HYDIN: variants seen among roughly 807,000 people sequenced by gnomAD.
The protein encoded by HYDIN is HYDIN axonemal central pair apparatus protein.
A neutral mutation model predicts 403.9 loss-of-function variants in HYDIN; 132 were observed. That is an observed-to-expected ratio of 0.33 (90% CI 0.28 to 0.38). The LOEUF is 0.38. HYDIN is among the 10% of genes least tolerant of loss of function. The probability of loss-of-function intolerance (pLI) is 1.00; values close to 1 mark genes in which losing one functional copy is unlikely to be tolerated. For synonymous variants in HYDIN, 1,202 were observed against 1,891.7 expected, an observed-to-expected ratio of 0.64 and a Z score of 9.46; for missense variants, 2,827 against 5,009.5, an observed-to-expected ratio of 0.56 and a Z score of 13.15.
chr16:70,823,833 T>C (rs1251458376), intron 83 of HYDIN, among the ~76,000 whole-genome samples: 2 of 145,416 alleles, frequency 1.4e-5, no homozygotes, highest in African/African-American at 2.6e-5. Context: ...CCTTTTTGAC[T>C]GTCCCAAACT....
chr16:70,898,943 T>C (rs559698729), intron 53 of HYDIN, among the ~76,000 whole-genome samples: 8 of 152,282 alleles, frequency 5.3e-5, no homozygotes, highest in Non-Finnish European at 1.0e-4. Flanking sequence ...TAATTTTGTA[T>C]TTTTGTATTT....
chr16:70,921,492 GT>G (rs1450501547), intron 45 of HYDIN, among the ~76,000 whole-genome samples: 1 of 152,134 alleles, frequency 6.6e-6, no homozygotes, highest in African/African-American at 2.4e-5. Context: ...TGTACTCCTG[GT>G]TGAGAGCTGC....
intron 9 of HYDIN, among the ~76,000 whole-genome samples, chr16:71,121,078 AT>A: frequency 7.2e-6 from 1 of 137,958 alleles, no homozygotes; most frequent in Non-Finnish European, 1.5e-5. Flanking sequence ...GTGAAGTAGT[AT>A]TATTACTTTA....
chr16:70,811,572 CAT>C (rs924621564), intron 84 of HYDIN: 5 of 149,952 alleles, frequency 3.3e-5, no homozygotes, highest in East Asian at 4.0e-4. Context: ...ATAAAATAGA[CAT>C]GTGTATAAAC....
Position 70,996,794 on chromosome 16 carries a change from T to C in HYDIN, c.3645-4584A>G, listed in dbSNP as rs2079546831. ...GGGAAACGTGCCTGCAAAGCAGCGG[T>C]CCCCAACCTTTTTGGCACCAGGGAC... On this transcript the variant is annotated intron_variant, in intron 23 of 85. Transcript: ENST00000393567. Among the ~76,000 whole-genome samples, 3 of 150,288 alleles carry C rather than the reference T, an allele frequency of 2.0e-5. No homozygotes were observed. In the South Asian group the frequency reaches 6.4e-4, roughly 32 times the overall value.
rs147111196 is a variant in HYDIN, at chr16:71,126,586, C to A, written c.1227+3054G>T. On this transcript the variant is annotated intron_variant, in intron 9 of 85. Coordinates refer to ENST00000393567, the MANE Select transcript of HYDIN (RefSeq NM_001270974.2). The stretch of plus-strand genomic sequence containing the variant: ...GTCTCTTCCCAGCTGCAGTGGAGAT[C>A]GAGGCTGATGACTGCTCCTCCTGAG... Among the ~76,000 whole-genome samples, 1,205 of 152,144 alleles carry A rather than the reference C, an allele frequency of 7.9e-3. 16 individuals are homozygous for A. The highest frequency in any genetic ancestry group is 0.028 in the African/African-American group (1,144 of 41,466).
chr16:70,816,015 A>C (rs529972247), intron 84 of HYDIN, among the ~76,000 whole-genome samples: 3 of 151,886 alleles, frequency 2.0e-5, no homozygotes, highest in African/African-American at 7.2e-5. Flanking sequence ...AGGCTGAGGC[A>C]AGAGCATTGC....
chr16:71,203,520 T>C (rs2088131147), intron 1 of HYDIN, among the ~76,000 whole-genome samples: 1 of 152,216 alleles, frequency 6.6e-6, no homozygotes, highest in African/African-American at 2.4e-5. Context: ...TAGGAGAGAA[T>C]AAGCTTATAC....
chr16:70,932,032 A>AAAG (rs1285654172), intron 45 of HYDIN, among the ~76,000 whole-genome samples: 2 of 148,950 alleles, frequency 1.3e-5, no homozygotes, highest in African/African-American at 4.9e-5. Context: ...AAAAAAAAAA[A>AAAG]AAAGGTAAAA....
Position 71,230,706 on chromosome 16 carries a change from C to T in HYDIN, c.-168G>A, listed in dbSNP as rs1321344472. The T allele has an allele frequency of 6.5e-7, 1 of 1,535,930 alleles. No individual in the cohort carries two copies. On this transcript the variant is annotated 5_prime_UTR_variant, in exon 1 of 86. Coordinates refer to ENST00000393567, the MANE Select transcript of HYDIN (RefSeq NM_001270974.2). ...TCTCCATGCGCCGCCCGAGCTGTTG[C>T]CGTCCGTTGCCACGGTAACCACGGA...
At chr16:70,864,772 A>C (rs2795809) in intron 67 of HYDIN, among the ~76,000 whole-genome samples, 1 of 152,074 alleles carries the variant, frequency 6.6e-6, no homozygotes, top group Non-Finnish European at 1.5e-5. Context: ...TAGGGGTTGG[A>C]AAACTTTTGT....
chr16:70,821,898 G>C (rs1264566348), intron 83 of HYDIN, among the ~76,000 whole-genome samples: 5 of 152,046 alleles, frequency 3.3e-5, no homozygotes, highest in Admixed American at 3.3e-4. Context: ...CCACTGTTGA[G>C]ACCTACTGCT....
At chr16:71,215,108 G>C (rs1163380882) in intron 1 of HYDIN, among the ~76,000 whole-genome samples, 2 of 152,070 alleles carry the variant, frequency 1.3e-5, no homozygotes, top group Non-Finnish European at 2.9e-5. Flanking sequence ...ATAACATAGA[G>C]GCCAACTTGC....
At chr16:71,201,752 G>A (rs2088026035) in intron 1 of HYDIN, among the ~76,000 whole-genome samples, 1 of 152,216 alleles carries the variant, frequency 6.6e-6, no homozygotes, top group South Asian at 2.1e-4. Flanking sequence ...TGACTTCTTA[G>A]GCCATCATTT....
intron 62 of HYDIN, among the ~76,000 whole-genome samples, chr16:70,875,906 A>T (rs1262181506): frequency 6.6e-6 from 1 of 152,254 alleles, no homozygotes; most frequent in Non-Finnish European, 1.5e-5. Context: ...ACTGAACTAG[A>T]TGCTAAAACA....
intron 1 of HYDIN, among the ~76,000 whole-genome samples, chr16:71,199,353 G>T: frequency 6.6e-6 from 1 of 152,192 alleles, no homozygotes; most frequent in East Asian, 1.9e-4. Context: ...GCAGCCCTTT[G>T]AAATAGAAAC....
In HYDIN at chr16:71,223,428, G is replaced by A. The variant is rs140817151; in HGVS notation, c.-24+7134C>T. On this transcript the variant is annotated intron_variant, in intron 1 of 85. Coordinates refer to ENST00000393567, the MANE Select transcript of HYDIN (RefSeq NM_001270974.2). Reference sequence around the variant, plus strand: ...GGCATTGGCTTAGGCAGAAATTCAGGACTAAGACCCTAAACGCAAATGTGA... The same window carrying A: ...GGCATTGGCTTAGGCAGAAATTCAGAACTAAGACCCTAAACGCAAATGTGA... Among the ~76,000 whole-genome samples the A allele has an allele frequency of 4.9e-4, 75 of 152,190 alleles. No individual in the cohort carries two copies. In the East Asian group the frequency reaches 0.013, roughly 26 times the overall value.
intron 36 of HYDIN, among the ~76,000 whole-genome samples, chr16:70,966,190 A>C (rs945346264): frequency 1.4e-4 from 22 of 152,156 alleles, no homozygotes; most frequent in African/African-American, 5.3e-4. Flanking sequence ...CTGCTGTCCT[A>C]TTCTTCACAG....
intron 28 of HYDIN, among the ~76,000 whole-genome samples, chr16:70,982,215 T>C (rs1185278592): frequency 6.6e-6 from 1 of 151,284 alleles, no homozygotes. Context: ...ATGAGAAAAC[T>C]TTATGTCAAT....
Sources: gnomAD v4.1 joint callset for allele counts (sites outside exome capture counted in the v4.1 genomes callset) on GRCh38, gnomAD v4.1.1 for gene constraint, MANE v1.5 for transcripts, NCBI Gene and HGNC (gene_info 2026-07-23, HGNC 2026-07-21) for gene names.